The following NAV2 variants were observed in gnomAD, a reference collection of about 807,000 sequenced individuals.
NAV2 encodes helicase, APC down-regulated 1.
A neutral mutation model predicts 223.2 loss-of-function variants in NAV2; 54 were observed. The ratio of observed to expected loss-of-function variants is 0.24; its 90% CI spans 0.19 to 0.30. The LOEUF is 0.30. Among genes scored for constraint, NAV2 ranks in the 10% least tolerant of loss-of-function variants. NAV2 has a pLI of 1.00. For missense variants in NAV2, 2,806 were observed against 3,147.5 expected (o/e 0.89, Z 2.60); for synonymous variants, 1,279 against 1,239.3 (o/e 1.03, Z -0.67).
At chr11:20,027,363 T>G in intron 11 of NAV2, 1 of 985,352 alleles carries the variant, frequency 1.0e-6, no homozygotes, top group South Asian at 4.7e-5. Flanking sequence ...GTTCCACCAG[T>G]CTGGACTTTT....
intron 1 of NAV2, among the ~76,000 whole-genome samples, chr11:19,473,142 C>A (rs1344093075): frequency 6.6e-6 from 1 of 152,186 alleles, no homozygotes; most frequent in African/African-American, 2.4e-5. Flanking sequence ...TTTCTGGTGG[C>A]CAGAGCCAAC....
intron 1 of NAV2, among the ~76,000 whole-genome samples, chr11:19,655,132 C>T (rs1276611868): frequency 3.3e-5 from 5 of 152,232 alleles, no homozygotes; most frequent in South Asian, 2.1e-4. Context: ...CCAAAAGACA[C>T]GTGAAAAAAT....
chr11:19,822,864 A>G (rs2059450298), intron 1 of NAV2, among the ~76,000 whole-genome samples: 1 of 152,194 alleles, frequency 6.6e-6, no homozygotes, highest in African/African-American at 2.4e-5. Flanking sequence ...TTCACATCTC[A>G]GTGCTCCTGG....
chr11:19,897,744 T>G (rs1463378190), intron 6 of NAV2, among the ~76,000 whole-genome samples: 1 of 151,960 alleles, frequency 6.6e-6, no homozygotes, highest in Non-Finnish European at 1.5e-5. Context: ...CTGTGAGGTT[T>G]GGAGGAAAGT....
intron 1 of NAV2, among the ~76,000 whole-genome samples, chr11:19,792,064 T>A (rs575781318): frequency 6.6e-6 from 1 of 152,324 alleles, no homozygotes; most frequent in South Asian, 2.1e-4. Flanking sequence ...GTTCTGCACA[T>A]GTGTGACAGT....
At chr11:19,897,907 T>C (rs1485269833) in intron 6 of NAV2, among the ~76,000 whole-genome samples, 1 of 148,786 alleles carries the variant, frequency 6.7e-6, no homozygotes, top group Non-Finnish European at 1.5e-5. Flanking sequence ...TATATATATG[T>C]GAGCAGATTT....
intron 2 of NAV2, among the ~76,000 whole-genome samples, chr11:19,836,400 AC>A (rs2060236761): frequency 6.6e-6 from 1 of 151,772 alleles, no homozygotes; most frequent in Non-Finnish European, 1.5e-5. Context: ...TACTAAAAAT[AC>A]AAAAAATTAG....
At chr11:19,864,629 G>A (rs1326668231) in intron 3 of NAV2, among the ~76,000 whole-genome samples, 1 of 152,206 alleles carries the variant, frequency 6.6e-6, no homozygotes, top group Non-Finnish European at 1.5e-5. Context: ...GACAAAGGCT[G>A]CAACACAGCC....
rs1455318524 is a variant in NAV2, at chr11:19,444,036, G to T, written c.75+93009G>T. Among the ~76,000 whole-genome samples the T allele has an allele frequency of 3.9e-5, 6 of 152,176 alleles. No individual in the cohort carries two copies. The East Asian group carries it at 9.6e-4, about 24-fold the overall frequency. ...TGCAACCTCTGCTTCCCAGGTTCAA[G>T]TGATTCTCCTGCCTCAGCCTTCTGA... is the stretch of plus-strand genomic sequence containing the variant. On this transcript the variant is annotated intron_variant, in intron 1 of 37. Transcript: ENST00000360655.
At chr11:19,817,762 G>A (rs572145277) in intron 1 of NAV2, among the ~76,000 whole-genome samples, 130 of 152,282 alleles carry the variant, frequency 8.5e-4, no homozygotes, top group Admixed American at 3.6e-3. Flanking sequence ...ATAAAGCCGG[G>A]TCACTCTCTT....
chr11:19,547,607 T>A (rs1290585406), intron 1 of NAV2, among the ~76,000 whole-genome samples: 1 of 152,118 alleles, frequency 6.6e-6, no homozygotes, highest in Non-Finnish European at 1.5e-5. Flanking sequence ...CTTGTTTTGG[T>A]CTCTCTAGTT....
At chr11:19,718,774 T>C (rs539263003) in intron 1 of NAV2, among the ~76,000 whole-genome samples, 1 of 149,776 alleles carries the variant, frequency 6.7e-6, no homozygotes, top group Non-Finnish European at 1.5e-5. Context: ...TGGTGGCTTA[T>C]TCAGGGTAAC....
intron 11 of NAV2, among the ~76,000 whole-genome samples, chr11:20,029,934 T>G (rs2055539996): frequency 6.6e-6 from 1 of 152,250 alleles, no homozygotes; most frequent in African/African-American, 2.4e-5. Context: ...GTGTTGATTG[T>G]TCTGATGAAT....
intron 1 of NAV2, among the ~76,000 whole-genome samples, chr11:19,468,553 C>T (rs922294294): frequency 6.6e-6 from 1 of 152,190 alleles, no homozygotes; most frequent in Non-Finnish European, 1.5e-5. Context: ...AAGGACATCA[C>T]TCATTAAGAG....
At chr11:19,844,416 T>G (rs185455553) in intron 3 of NAV2, among the ~76,000 whole-genome samples, 1,656 of 152,324 alleles carry the variant, frequency 0.011, 28 homozygotes, top group South Asian at 0.019. Context: ...ATTGGAGGTT[T>G]TGCGTGTTGT....
exon 1 of NAV2, chr11:19,350,772 G>T: frequency 1.6e-6 from 1 of 620,830 alleles, no homozygotes; most frequent in Non-Finnish European, 2.9e-6. Flanking sequence ...CAGTGGTGCC[G>T]AGTGAGGTTC....
rs1487314256 is a variant in NAV2, at chr11:20,045,601, C to G, written c.3833C>G (p.Ser1278Cys). Residue 1278 changes from serine to cysteine, a missense_variant, in exon 14 of 38, where the codon TCC becomes TGC. Transcript: ENST00000349880. ...VKVNPAAQPV[S>C]SPAQTSLQPG... is the part of the protein sequence containing the mutation. ...GTGAATCCGGCAGCCCAGCCTGTGT[C>G]CAGTCCGGCTCAGACCAGTCTCCAG... is the stretch of plus-strand genomic sequence containing the variant. 6.2e-7 allele frequency: 1 copy of G among 1,614,242 alleles called. No individual in the cohort carries two copies. Among genetic ancestry groups the G allele is most frequent in the South Asian group, 1.1e-5 (1 of 91,086 alleles).
chr11:19,554,450 C>T (rs2044799256), intron 1 of NAV2, among the ~76,000 whole-genome samples: 1 of 152,210 alleles, frequency 6.6e-6, no homozygotes, highest in African/African-American at 2.4e-5. Context: ...TGCCCAGCTC[C>T]TCCCCACTCA....
intron 1 of NAV2, among the ~76,000 whole-genome samples, chr11:19,434,666 C>T (rs527238616): frequency 1.3e-5 from 2 of 152,282 alleles, no homozygotes; most frequent in African/African-American, 4.8e-5. Flanking sequence ...GCATTTTCCT[C>T]TTTTGCAAAA....
Sources: gnomAD v4.1 joint callset for allele counts (sites outside exome capture counted in the v4.1 genomes callset) on GRCh38, gnomAD v4.1.1 for gene constraint, MANE v1.5 for transcripts, NCBI Gene and HGNC (gene_info 2026-07-23, HGNC 2026-07-21) for gene names.